SGCD: variants seen among roughly 807,000 people sequenced by gnomAD.
SGCD encodes delta-sarcoglycan.
A neutral mutation model predicts 36.6 loss-of-function variants in SGCD; 18 were observed. The ratio of observed to expected loss-of-function variants is 0.49; its 90% CI spans 0.34 to 0.73. The LOEUF (loss-of-function observed/expected upper bound fraction) is 0.73, where lower values mean the gene tolerates loss of function less well. SGCD is among the 30% of genes least tolerant of loss of function. The pLI, the probability that SGCD is intolerant of heterozygous loss-of-function variation, is 0.01. For missense variants in SGCD, 387 were observed against 346.7 expected (o/e 1.12, Z -0.92); for synonymous variants, 133 against 130.6 (o/e 1.02, Z -0.12).
At chr5:155,811,575 C>G in the SGCD span, among the ~76,000 whole-genome samples, 1 of 152,144 alleles carries the variant, frequency 6.6e-6, no homozygotes, top group Non-Finnish European at 1.5e-5. Context: ...AAATAAGCCA[C>G]CATACGTTTA....
intron 1 of SGCD, among the ~76,000 whole-genome samples, chr5:155,879,170 G>A (rs1346650144): frequency 2.6e-5 from 4 of 152,210 alleles, no homozygotes; most frequent in Non-Finnish European, 2.9e-5. Flanking sequence ...CTGGCTCTTA[G>A]CCAAAACCTA....
the SGCD span, among the ~76,000 whole-genome samples, chr5:155,802,612 G>A: frequency 1.7e-4 from 26 of 152,260 alleles, no homozygotes; most frequent in East Asian, 2.7e-3. Context: ...ATATGCTTGC[G>A]TATCTATAAT....
chr5:156,310,134 G>A (rs961926750), intron 3 of SGCD, among the ~76,000 whole-genome samples: 4 of 152,132 alleles, frequency 2.6e-5, no homozygotes, highest in Non-Finnish European at 5.9e-5. Context: ...ACCTGGGCAT[G>A]CATAATGACT....
chr5:155,825,185 C>T, the SGCD span, among the ~76,000 whole-genome samples: 1 of 151,698 alleles, frequency 6.6e-6, no homozygotes, highest in Non-Finnish European at 1.5e-5. Context: ...CATACTTTTG[C>T]GAAAAAGAAG....
chr5:156,060,838 T>G (rs1258179821), intron 1 of SGCD, among the ~76,000 whole-genome samples: 2 of 146,074 alleles, frequency 1.4e-5, no homozygotes, highest in African/African-American at 4.9e-5. Context: ...TTAAATGCAT[T>G]TAATTGAAGT....
intron 7 of SGCD, among the ~76,000 whole-genome samples, chr5:156,656,343 T>C (rs746500282): frequency 2.6e-5 from 4 of 152,086 alleles, no homozygotes; most frequent in Non-Finnish European, 5.9e-5. Flanking sequence ...AATATGGAGA[T>C]ATGAACCAAG....
chr5:156,124,660 A>G (rs898511547), intron 3 of SGCD, among the ~76,000 whole-genome samples: 1 of 152,112 alleles, frequency 6.6e-6, no homozygotes, highest in Non-Finnish European at 1.5e-5. Flanking sequence ...ATATAAATAT[A>G]TATAATTTAT....
chr5:156,118,846 G>T (rs892570152), intron 2 of SGCD, among the ~76,000 whole-genome samples: 1 of 152,144 alleles, frequency 6.6e-6, no homozygotes, highest in African/African-American at 2.4e-5. Context: ...TTCATCAGCG[G>T]TTTGTTTGTT....
chr5:156,012,249 G>A (rs1026911283), intron 1 of SGCD, among the ~76,000 whole-genome samples: 5 of 152,218 alleles, frequency 3.3e-5, no homozygotes, highest in Middle Eastern at 3.4e-3. Flanking sequence ...TTCTCACCAC[G>A]CTATCAAAAA....
chr5:156,023,112 T>C (rs1265351661), intron 1 of SGCD, among the ~76,000 whole-genome samples: 1 of 152,214 alleles, frequency 6.6e-6, no homozygotes, highest in Admixed American at 6.5e-5. Context: ...TCTCTGAACT[T>C]CCTTTTCTTC....
chr5:155,924,226 A>C (rs1756948836), intron 1 of SGCD, among the ~76,000 whole-genome samples: 2 of 152,250 alleles, frequency 1.3e-5, no homozygotes, highest in Admixed American at 6.5e-5. Flanking sequence ...TAGTCATAGC[A>C]AACCTAGGAG....
At chr5:156,034,365 G>C (rs1421939269) in intron 1 of SGCD, among the ~76,000 whole-genome samples, 4 of 152,144 alleles carry the variant, frequency 2.6e-5, no homozygotes, top group Non-Finnish European at 5.9e-5. Context: ...GAAGTATAAA[G>C]TACCAGAAGA....
At chr5:156,348,219 G>C (rs1425876804) in intron 3 of SGCD, among the ~76,000 whole-genome samples, 2 of 152,022 alleles carry the variant, frequency 1.3e-5, no homozygotes, top group African/African-American at 4.8e-5. Flanking sequence ...AGTTTATGCA[G>C]AGATTTAAAA....
chr5:155,917,805 A>G (rs1319922952), intron 1 of SGCD, among the ~76,000 whole-genome samples: 1 of 151,976 alleles, frequency 6.6e-6, no homozygotes, highest in African/African-American at 2.4e-5. Flanking sequence ...AAGGAGTTCT[A>G]TTTCTTTTTT....
intron 1 of SGCD, among the ~76,000 whole-genome samples, chr5:156,047,203 A>T (rs918838241): frequency 3.3e-5 from 5 of 152,164 alleles, no homozygotes; most frequent in African/African-American, 4.8e-5. Flanking sequence ...AGTTTAAAGA[A>T]AGAAACCAAC....
At chr5:155,917,049 T>C (rs1756759245) in intron 1 of SGCD, among the ~76,000 whole-genome samples, 1 of 152,198 alleles carries the variant, frequency 6.6e-6, no homozygotes, top group East Asian at 1.9e-4. Context: ...CCGAGTCTGA[T>C]ACAATGAAAG....
At chr5:156,339,362 C>T (rs193169720) in intron 2 of SGCD, among the ~76,000 whole-genome samples, 2 of 152,266 alleles carry the variant, frequency 1.3e-5, no homozygotes, top group Admixed American at 1.3e-4. Context: ...GGATTTAAGC[C>T]TGCTTAGCAT....
intron 3 of SGCD, among the ~76,000 whole-genome samples, chr5:156,498,258 C>G (rs977197885): frequency 5.1e-5 from 5 of 98,992 alleles, no homozygotes; most frequent in African/African-American, 2.0e-4. Context: ...TCATATTTCT[C>G]TTACAAAAAA....
chr5:155,766,996 C>A, the SGCD span, among the ~76,000 whole-genome samples: 1 of 152,308 alleles, frequency 6.6e-6, no homozygotes, highest in East Asian at 1.9e-4. Flanking sequence ...ACCAAAGGGA[C>A]CCCACTTCTA....
Sources: gnomAD v4.1 joint callset for allele counts (sites outside exome capture counted in the v4.1 genomes callset) on GRCh38, gnomAD v4.1.1 for gene constraint, MANE v1.5 for transcripts, NCBI Gene and HGNC (gene_info 2026-07-23, HGNC 2026-07-21) for gene names.